Variants in LRRC69 observed in about 807,000 individuals in gnomAD.
LRRC69 encodes the protein leucine rich repeat containing 69.
A neutral mutation model predicts 37.8 loss-of-function variants in LRRC69; 42 were observed. The observed-to-expected ratio is 1.11, with a 90% CI of 0.87 to 1.44. LRRC69 has a LOEUF of 1.44. LRRC69 is among the 40% of genes most tolerant of loss of function. LRRC69 has a pLI of 0.00. For missense variants in LRRC69, 357 were observed against 401.9 expected (o/e 0.89, Z 0.96); for synonymous variants, 141 against 143.1 (o/e 0.99, Z 0.11).
rs772175556 is a variant in LRRC69 at position 91,112,316 on chromosome 8, A to C, written c.183+9472A>C. Reference sequence around the variant, plus strand: ...TCTGACAGTGGCATCTCTGTGGCCCAAACATGCCCATGTGCTGGACCTACC... The same window carrying C: ...TCTGACAGTGGCATCTCTGTGGCCCCAACATGCCCATGTGCTGGACCTACC... On this transcript the variant is annotated intron_variant, in intron 1 of 7. Transcript: ENST00000448384. Among the ~76,000 whole-genome samples the C allele has an allele frequency of 2.5e-4, 38 of 152,082 alleles. No homozygotes were observed. In the Middle Eastern group the frequency reaches 0.014, roughly 54 times the overall value.
chr8:91,168,958 C>T (rs1435631685), intron 5 of LRRC69, among the ~76,000 whole-genome samples: 1 of 151,766 alleles, frequency 6.6e-6, no homozygotes, highest in Non-Finnish European at 1.5e-5. Flanking sequence ...ATTCCAGAGT[C>T]AAATACAAAA....
chr8:91,156,044 A>G (rs1251108392), intron 5 of LRRC69, among the ~76,000 whole-genome samples: 1 of 149,006 alleles, frequency 6.7e-6, no homozygotes, highest in East Asian at 2.0e-4. Context: ...TTTCTTTGAT[A>G]TACTGATTTC....
chr8:91,179,569 G>A (rs1311929713), intron 5 of LRRC69, among the ~76,000 whole-genome samples: 3 of 152,130 alleles, frequency 2.0e-5, no homozygotes, highest in Admixed American at 6.5e-5. Flanking sequence ...GATATTTTAA[G>A]CAACTACCCA....
At chr8:91,148,752 C>T (rs199830258) in intron 5 of LRRC69, among the ~76,000 whole-genome samples, 1 of 152,030 alleles carries the variant, frequency 6.6e-6, no homozygotes, top group East Asian at 1.9e-4. Context: ...CTGTTGTTTC[C>T]TGACTTTTTA....
intron 1 of LRRC69, among the ~76,000 whole-genome samples, chr8:91,116,924 C>T (rs76159759): frequency 0.012 from 1,850 of 152,106 alleles, 33 homozygotes; most frequent in African/African-American, 0.043. Flanking sequence ...ATTCTATAAT[C>T]CAAAGGCATC....
At chr8:91,184,040 C>T (rs976716287) in intron 5 of LRRC69, among the ~76,000 whole-genome samples, 12 of 152,074 alleles carry the variant, frequency 7.9e-5, no homozygotes, top group African/African-American at 2.2e-4. Context: ...TCAGCACTTT[C>T]GGAGGTCGAA....
chr8:91,179,560 A>G (rs1475283568), intron 5 of LRRC69, among the ~76,000 whole-genome samples: 1 of 152,212 alleles, frequency 6.6e-6, no homozygotes, highest in Admixed American at 6.5e-5. Context: ...AATGCTCAAG[A>G]TATTTTAAGC....
At chr8:91,203,160 C>T (rs1809738872) in intron 7 of LRRC69, among the ~76,000 whole-genome samples, 1 of 152,012 alleles carries the variant, frequency 6.6e-6, no homozygotes, top group Non-Finnish European at 1.5e-5. Context: ...AGACTCCTAT[C>T]TAGTCTGTTA....
chr8:91,174,178 A>G (rs552540874), intron 5 of LRRC69, among the ~76,000 whole-genome samples: 20 of 152,198 alleles, frequency 1.3e-4, no homozygotes, highest in South Asian at 1.2e-3. Context: ...ATATGTTCAT[A>G]GAGGCTGTGT....
intron 5 of LRRC69, among the ~76,000 whole-genome samples, chr8:91,176,714 T>A (rs767066672): frequency 2.6e-5 from 4 of 152,130 alleles, no homozygotes; most frequent in Admixed American, 6.5e-5. Context: ...GATGTCCTAG[T>A]TCAGTCAGAC....
At chr8:91,197,323 G>T (rs2130623060) in intron 6 of LRRC69, among the ~76,000 whole-genome samples, 1 of 152,314 alleles carries the variant, frequency 6.6e-6, no homozygotes, top group South Asian at 2.1e-4. Context: ...CCCAGAGGTG[G>T]AGCCTACAGA....
At chr8:91,187,433 C>T (rs1809424144) in intron 5 of LRRC69, among the ~76,000 whole-genome samples, 1 of 152,180 alleles carries the variant, frequency 6.6e-6, no homozygotes, top group Non-Finnish European at 1.5e-5. Context: ...ATATTTAGTA[C>T]ACACAACATG....
intron 1 of LRRC69, among the ~76,000 whole-genome samples, chr8:91,107,225 C>T (rs1813332306): frequency 6.6e-6 from 1 of 151,790 alleles, no homozygotes; most frequent in Admixed American, 6.6e-5. Flanking sequence ...ACCTCCGCCT[C>T]CCAGGTTCAA....
chr8:91,207,853 A>G (rs1158521871), intron 7 of LRRC69, among the ~76,000 whole-genome samples: 3 of 152,250 alleles, frequency 2.0e-5, no homozygotes, highest in East Asian at 1.9e-4. Context: ...CTAGGGCTGT[A>G]TAACAAAGTA....
intron 1 of LRRC69, among the ~76,000 whole-genome samples, chr8:91,115,067 G>T (rs1813484600): frequency 6.6e-6 from 1 of 151,680 alleles, no homozygotes; most frequent in African/African-American, 2.4e-5. Context: ...GGAGATGTAG[G>T]TCAAAGGGCA....
chr8:91,201,540 T>C (rs1039744368), intron 7 of LRRC69, among the ~76,000 whole-genome samples: 18 of 152,140 alleles, frequency 1.2e-4, no homozygotes, highest in Non-Finnish European at 2.5e-4. Flanking sequence ...TTTAAAAATG[T>C]GAAAACCTTT....
chr8:91,158,746 C>G (rs1204825726), intron 5 of LRRC69: 1 of 901,126 alleles, frequency 1.1e-6, no homozygotes, highest in African/African-American at 1.6e-5. Context: ...GACACCAAGT[C>G]TGGCTGAATG....
chr8:91,218,864 T>C, intron 7 of LRRC69, 26 bp from the exon 8 acceptor site: 1 of 1,435,924 alleles, frequency 7.0e-7, no homozygotes, highest in Non-Finnish European at 9.5e-7. Flanking sequence ...ACTGCCTAAA[T>C]TTTATTTTTA....
chr8:91,179,630 A>G (rs1293094775), intron 5 of LRRC69, among the ~76,000 whole-genome samples: 1 of 152,350 alleles, frequency 6.6e-6, no homozygotes, highest in East Asian at 1.9e-4. Context: ...CTTTCTAAAG[A>G]TACCTTTATT....
Sources: allele counts gnomAD v4.1 joint callset (sites outside exome capture counted in the v4.1 genomes callset), GRCh38; gene constraint gnomAD v4.1.1; transcripts MANE v1.5; gene names NCBI Gene and HGNC (gene_info 2026-07-23, HGNC 2026-07-21).